MSRA: variants seen among roughly 807,000 people sequenced by gnomAD.
The protein encoded by MSRA is methionine sulfoxide reductase A.
A neutral mutation model predicts 31.3 loss-of-function variants in MSRA; 54 were observed. That is an observed-to-expected ratio of 1.73 (90% confidence interval 1.39 to 2.17). MSRA has a LOEUF of 2.17. Among genes scored for constraint, MSRA ranks in the 30% most tolerant of loss-of-function variants. MSRA has a pLI of 0.00. For missense variants in MSRA, 507 were observed against 300.9 expected (o/e 1.69, Z -5.07); for synonymous variants, 169 against 116.5 (o/e 1.45, Z -2.90).
chr8:10,302,059 A>AT (rs1254531561), intron 4 of MSRA, among the ~76,000 whole-genome samples: 2 of 152,074 alleles, frequency 1.3e-5, no homozygotes, highest in African/African-American at 4.8e-5. Flanking sequence ...ATCAGGTTGG[A>AT]TTTTTTTAAA....
intron 2 of MSRA, among the ~76,000 whole-genome samples, chr8:10,214,160 G>C (rs1429833512): frequency 3.3e-5 from 5 of 152,126 alleles, no homozygotes; most frequent in Non-Finnish European, 7.3e-5. Flanking sequence ...TGTGTTTTTT[G>C]TCGCACGGCA....
chr8:10,247,726 T>C (rs934161167), intron 3 of MSRA, among the ~76,000 whole-genome samples: 5 of 152,296 alleles, frequency 3.3e-5, no homozygotes, highest in South Asian at 2.1e-4. Context: ...GGGATAGTTA[T>C]AGGGTCTTAC....
chr8:10,352,061 G>C (rs1804184575), intron 5 of MSRA, among the ~76,000 whole-genome samples: 1 of 152,218 alleles, frequency 6.6e-6, no homozygotes, highest in Non-Finnish European at 1.5e-5. Context: ...TGGGAGTTTG[G>C]AGAAGAGAGA....
intron 4 of MSRA, among the ~76,000 whole-genome samples, chr8:10,311,588 G>A (rs940897644): frequency 6.6e-6 from 1 of 151,982 alleles, no homozygotes; most frequent in African/African-American, 2.4e-5. Flanking sequence ...CATAATGCAA[G>A]TATTCAGAAA....
chr8:10,095,855 T>G, intron 1 of MSRA: 1 of 1,268,558 alleles, frequency 7.9e-7, no homozygotes, highest in Non-Finnish European at 1.0e-6. Context: ...GTCCATGCAT[T>G]TGGGAAATAC....
chr8:10,337,630 T>C, intron 5 of MSRA: 2 of 682,650 alleles, frequency 2.9e-6, no homozygotes, highest in East Asian at 2.7e-5. Flanking sequence ...TGATATTGGA[T>C]ATTGTCACAT....
chr8:10,329,121 G>A (rs1802545099), intron 5 of MSRA, among the ~76,000 whole-genome samples: 1 of 152,186 alleles, frequency 6.6e-6, no homozygotes, highest in African/African-American at 2.4e-5. Flanking sequence ...TCACTACTTT[G>A]CCAAATCTCT....
intron 4 of MSRA, 71 bp from the exon 5 acceptor site, chr8:10,319,812 A>G (rs761853304): frequency 1.2e-6 from 1 of 845,590 alleles, no homozygotes; most frequent in Non-Finnish European, 1.7e-6. Context: ...ATGTCTCAGC[A>G]TTGTGCCCAG....
chr8:10,177,874 G>T (rs948867896), intron 1 of MSRA, among the ~76,000 whole-genome samples: 17 of 152,202 alleles, frequency 1.1e-4, no homozygotes, highest in African/African-American at 4.1e-4. Flanking sequence ...TATAGTTGAT[G>T]TAGAGTGGGA....
At chr8:10,241,963 A>G (rs114563080) in intron 2 of MSRA, among the ~76,000 whole-genome samples, 79 of 152,298 alleles carry the variant, frequency 5.2e-4, no homozygotes, top group African/African-American at 1.8e-3. Context: ...AATGGAGACA[A>G]TGTGTTGATT....
At chr8:10,114,110 A>C (rs1009202700) in intron 1 of MSRA, among the ~76,000 whole-genome samples, 7 of 152,198 alleles carry the variant, frequency 4.6e-5, no homozygotes, top group Non-Finnish European at 2.9e-5. Context: ...CATGGTGTTC[A>C]TGGTTCATCT....
intron 1 of MSRA, among the ~76,000 whole-genome samples, chr8:10,071,620 T>C (rs1339259132): frequency 6.6e-6 from 1 of 152,184 alleles, no homozygotes; most frequent in Non-Finnish European, 1.5e-5. Flanking sequence ...GCTTTTTGTT[T>C]TCCTTAAAGT....
At chr8:10,390,814 A>G (rs1002736166) in intron 5 of MSRA, among the ~76,000 whole-genome samples, 5 of 152,070 alleles carry the variant, frequency 3.3e-5, no homozygotes, top group African/African-American at 4.8e-5. Flanking sequence ...TCTCTACTAA[A>G]AATAAAAAAA....
intron 1 of MSRA, among the ~76,000 whole-genome samples, chr8:10,062,489 C>A (rs183131216): frequency 6.6e-6 from 1 of 152,154 alleles, no homozygotes; most frequent in South Asian, 2.1e-4. Flanking sequence ...TCTTTGTACC[C>A]GGAACACAGT....
intron 1 of MSRA, among the ~76,000 whole-genome samples, chr8:10,082,229 C>G (rs147252043): frequency 1.3e-5 from 2 of 152,050 alleles, no homozygotes; most frequent in African/African-American, 4.8e-5. Flanking sequence ...GCCAAACAAA[C>G]GAAACAAAAC....
chr8:10,188,031 A>C (rs1807200538), intron 1 of MSRA, among the ~76,000 whole-genome samples: 1 of 152,214 alleles, frequency 6.6e-6, no homozygotes, highest in South Asian at 2.1e-4. Flanking sequence ...GAATATTTAC[A>C]TGTTGAGGAT....
intron 1 of MSRA, among the ~76,000 whole-genome samples, chr8:10,114,177 T>C (rs968134900): frequency 6.6e-6 from 1 of 152,254 alleles, no homozygotes; most frequent in African/African-American, 2.4e-5. Flanking sequence ...TAATCCATTT[T>C]ATTGACATAC....
chr8:10,283,037 G>C (rs1037423840), intron 3 of MSRA, among the ~76,000 whole-genome samples: 1 of 151,998 alleles, frequency 6.6e-6, no homozygotes, highest in African/African-American at 2.4e-5. Context: ...TTAACTTCAA[G>C]AGCTTCCTTA....
intron 5 of MSRA, among the ~76,000 whole-genome samples, chr8:10,414,650 C>G (rs1046534006): frequency 1.3e-5 from 2 of 152,228 alleles, no homozygotes; most frequent in Non-Finnish European, 2.9e-5. Flanking sequence ...GTGCTCTAAG[C>G]TTAAGCATCT....
Sources: gnomAD v4.1 joint callset for allele counts (sites outside exome capture counted in the v4.1 genomes callset) on GRCh38, gnomAD v4.1.1 for gene constraint, MANE v1.5 for transcripts, NCBI Gene and HGNC (gene_info 2026-07-23, HGNC 2026-07-21) for gene names.